The following PRKAG1 variants were observed in gnomAD, a reference collection of about 807,000 sequenced individuals.
PRKAG1 encodes protein kinase AMP-activated non-catalytic subunit gamma 1.
In PRKAG1, 27 loss-of-function variants were observed where a neutral mutation model predicts 48.2. That is an observed-to-expected ratio of 0.56 (90% CI 0.41 to 0.77). The LOEUF is 0.77. Ranked by LOEUF, PRKAG1 falls within the 30% of genes least tolerant of loss-of-function variation. PRKAG1 has a pLI of 0.00. For synonymous variants in PRKAG1, 130 were observed against 147.7 expected (o/e 0.88, Z 0.87); for missense variants, 287 against 398.3 (o/e 0.72, Z 2.38).
At chr12:49,014,420 C>T (rs1941885378) in intron 1 of PRKAG1, among the ~76,000 whole-genome samples, 1 of 152,216 alleles carries the variant, frequency 6.6e-6, no homozygotes, top group South Asian at 2.1e-4. Context: ...GGGCTAACCC[C>T]TACAAGATTC....
intron 1 of PRKAG1, 188 bp downstream of exon 1, chr12:49,018,544 G>A: frequency 6.9e-7 from 1 of 1,454,746 alleles, no homozygotes; most frequent in Non-Finnish European, 9.0e-7. Context: ...CGGGGACGCG[G>A]CCCAGTTCCA....
rs762583025 is a variant in PRKAG1, at chr12:49,003,837, C to T, written c.623G>A (p.Arg208His). 22 of 1,613,930 alleles carry T rather than the reference C, an allele frequency of 1.4e-5. No individual in the cohort carries two copies. Among genetic ancestry groups the T allele is most frequent in the East Asian group, 6.7e-5 (3 of 44,890 alleles). ...AGCCACATAGACGGGGGTGGTAGTGCGAACCATAGCAATATTGGCATAGGT... is the reference window on the plus strand; with the variant it reads ...AGCCACATAGACGGGGGTGGTAGTGTGAACCATAGCAATATTGGCATAGGT... ...IGTYANIAMV[R>H]TTTPVYVALG... is the part of the protein sequence containing the mutation. Residue 208 changes from arginine (R) to histidine (H), a missense_variant, in exon 9 of 12, where the codon CGC becomes CAC. Physicochemically the swap from Arg to His is conservative, Grantham distance 29 (BLOSUM62 0). This residue lies in a region of PRKAG1 where 224 missense variants were observed against 344.3 expected (regional missense o/e 0.65). Transcript: ENST00000548065.
intron 2 of PRKAG1, among the ~76,000 whole-genome samples, chr12:49,010,888 A>G (rs1296129180): frequency 4.0e-5 from 6 of 151,564 alleles, no homozygotes; most frequent in African/African-American, 1.5e-4. Context: ...CTGTCACCCA[A>G]GCTGGAGTGC....
intron 2 of PRKAG1, among the ~76,000 whole-genome samples, chr12:49,006,735 C>T (rs1188176084): frequency 6.6e-6 from 1 of 151,660 alleles, no homozygotes; most frequent in Non-Finnish European, 1.5e-5. Context: ...TTTGGGAGGC[C>T]AAGGTGGGAG....
At chr12:49,014,613 G>C (rs867730659) in intron 1 of PRKAG1, among the ~76,000 whole-genome samples, 2 of 152,226 alleles carry the variant, frequency 1.3e-5, no homozygotes, top group Admixed American at 6.5e-5. Flanking sequence ...CTGTCAGCCA[G>C]TCAAAACCTG....
intron 7 of PRKAG1, 151 bp downstream of exon 7, chr12:49,004,813 C>CTGTGTGTG (rs3832821): frequency 0.025 from 17,524 of 711,436 alleles, 178 homozygotes; most frequent in East Asian, 0.088. Context: ...GAGAGAGAGA[C>CTGTGTGTG]TGTGTGTGTG....
At position 49,004,747 on chromosome 12, in the gene PRKAG1, G is replaced by C. The variant is rs1008394104; in HGVS notation, c.411-114C>G. ...AACTGATGGTTAGGGAAGGGGGGCA[G>C]TGTACAGGCCAGACTTAAAGAGAAA... On this transcript the variant is annotated intron_variant, in intron 7 of 11. Coordinates refer to ENST00000548065, the MANE Select transcript of PRKAG1 (RefSeq NM_002733.5). 3 of 1,496,266 alleles carry C rather than the reference G, an allele frequency of 2.0e-6. No individual in the cohort carries two copies. The African/African-American group carries it at 4.1e-5, about 21-fold the overall frequency. 92.7% of individuals were successfully genotyped at this position (1,496,266 alleles called of 1,614,324 possible).
At chr12:49,010,743 C>T (rs1199168092) in intron 2 of PRKAG1, among the ~76,000 whole-genome samples, 3 of 151,984 alleles carry the variant, frequency 2.0e-5, no homozygotes, top group African/African-American at 7.3e-5. Flanking sequence ...TTGCTATTAT[C>T]TCCTCTCCTG....
Position 49,003,909 on chromosome 12 carries a change from G to A in PRKAG1, c.551C>T (p.Pro184Leu), listed in dbSNP as rs1475735400. Residue 184 changes from proline to leucine, a missense_variant, in exon 9 of 12, where the codon CCC becomes CTC. Pro to Leu is a moderately conservative substitution (Grantham distance 98). Coordinates refer to ENST00000548065, the MANE Select transcript of PRKAG1 (RefSeq NM_002733.5). ...AGACTTGGACATGAACTCTGGCTTG[G>A]GGAACTCAGTGATCTGAGGAAAGAA... is the stretch of plus-strand genomic sequence containing the variant. ...KFLKLFITEF[P>L]KPEFMSKSLE... is the part of the protein sequence containing the mutation. 1.2e-6 allele frequency: 2 copies of A among 1,603,004 alleles called. No homozygotes were observed. The highest frequency in any genetic ancestry group is 1.1e-5 in the South Asian group (1 of 89,446).
In PRKAG1 at chr12:49,018,725, T is replaced by A. The variant is rs199953330; in HGVS notation, c.9+7A>T. The stretch of plus-strand genomic sequence containing the variant: ...AGCGCCCCCGACCGCCCTCCTGCAC[T>A]CCTCACCGTCTCCATTGCAAGAGGC... On this transcript the variant is annotated splice_region_variant and intron_variant, in intron 1 of 11. Transcript: ENST00000548065. 2 of 1,613,270 alleles carry A rather than the reference T, an allele frequency of 1.2e-6. No homozygotes were observed. Among genetic ancestry groups the A allele is most frequent in the Non-Finnish European group, 1.7e-6 (2 of 1,180,002 alleles).
Position 49,002,488 on chromosome 12 carries a change from G to A in PRKAG1, c.*411C>T. On this transcript the variant is annotated 3_prime_UTR_variant, in exon 12 of 12. Transcript: ENST00000548065. ...GCCTCCTCCATATAGCACGGAACAG[G>A]TGAATAAAAATATCTTTATGAAGAA... is the stretch of plus-strand genomic sequence containing the variant. 2 of 334,726 alleles carry A rather than the reference G, an allele frequency of 6.0e-6. No individual in the cohort carries two copies. Among genetic ancestry groups the A allele is most frequent in the South Asian group, 2.4e-5 (1 of 41,288 alleles). 20.7% of individuals were successfully genotyped at this position (334,726 alleles called of 1,614,324 possible).
intron 1 of PRKAG1, 78 bp downstream of exon 1, chr12:49,018,654 G>A: frequency 1.9e-6 from 3 of 1,606,704 alleles, no homozygotes; most frequent in South Asian, 1.1e-5. Context: ...GCCCCTGCCC[G>A]GCCCTCCCGG....
chr12:49,004,190 G>T, intron 8 of PRKAG1: 4 of 521,892 alleles, frequency 7.7e-6, no homozygotes, highest in South Asian at 5.5e-5. Context: ...TCTTCTGGGG[G>T]TTGAGGTCGG....
chr12:49,009,909 G>A (rs955774757), intron 2 of PRKAG1, among the ~76,000 whole-genome samples: 11 of 152,254 alleles, frequency 7.2e-5, no homozygotes, highest in East Asian at 1.9e-4. Flanking sequence ...CACCGTGCCC[G>A]GCTGTTGTTT....
intron 2 of PRKAG1, among the ~76,000 whole-genome samples, chr12:49,010,593 G>A (rs1444262781): frequency 6.6e-6 from 1 of 152,156 alleles, no homozygotes; most frequent in African/African-American, 2.4e-5. Context: ...TGTACTCAAT[G>A]GGGTAGGGTG....
In PRKAG1 at chr12:49,005,932, C is replaced by A; in HGVS notation, c.59-80G>T. 1.0e-6 allele frequency: 1 copy of A among 1,002,340 alleles called. No homozygotes were observed. Among genetic ancestry groups the A allele is most frequent in the Non-Finnish European group, 1.5e-6 (1 of 669,992 alleles). The allele number at this position is 1,002,340 out of a possible 1,614,324, so 62.1% of individuals were successfully genotyped here. On this transcript the variant is annotated intron_variant, in intron 2 of 11. Coordinates refer to ENST00000548065, the MANE Select transcript of PRKAG1 (RefSeq NM_002733.5). This position sits in a 1 kb window ranked among gnomAD's most constrained non-coding sequence, Gnocchi z 4.1. ...AAGAGACAGAAAACAAAATAGTGTT[C>A]TAGTATCTCAAATATTTAGAGCATT...
rs568422494 is a variant in PRKAG1 at position 49,005,008 on chromosome 12, G to A, written c.366C>T (p.Leu122=). 1.2e-5 allele frequency: 20 copies of A among 1,614,072 alleles called. No homozygotes were observed. The highest frequency in any genetic ancestry group is 8.0e-5 in the African/African-American group (6 of 75,014). The change falls in exon 7 of 12, where the codon CTC becomes CTT. Residue 122 remains leucine (L), a synonymous_variant. Transcript: ENST00000548065. This position sits in a 1 kb window ranked among gnomAD's most constrained non-coding sequence, Gnocchi z 4.1. ...HKIETWREVY[L]QDSFKPLVCI... ...AGACAAGCGGTTTAAAGGAGTCCTG[G>A]AGATACACCTCTGAAGGGAAAAGGG...
chr12:49,005,465 C>T lies in PRKAG1; in HGVS notation c.247G>A (p.Val83Met). The change falls in exon 4 of 12, where the codon GTG (valine) becomes ATG (methionine). Residue 83 changes from valine (V) to methionine (M), a missense_variant. Physicochemically the swap from Val to Met is conservative, Grantham distance 21 (BLOSUM62 1). Transcript: ENST00000548065. This position sits in a 1 kb window ranked among gnomAD's most constrained non-coding sequence, Gnocchi z 4.1. ...PLWDSKKQSF[V>M]GMLTITDFIN... The stretch of plus-strand genomic sequence containing the variant: ...TGTTCCAGAAACTTTTGCTTACCCA[C>T]AAAACTTTGCTTCTTACTATCCCAT... The T allele has an allele frequency of 6.2e-7, 1 of 1,614,134 alleles. No homozygotes were observed. Among genetic ancestry groups the T allele is most frequent in the South Asian group, 1.1e-5 (1 of 91,084 alleles).
Position 49,005,948 on chromosome 12 carries a change from T to C in PRKAG1, c.59-96A>G. 1.1e-6 allele frequency: 1 copy of C among 890,864 alleles called. No homozygotes were observed. Among genetic ancestry groups the C allele is most frequent in the Non-Finnish European group, 1.7e-6 (1 of 578,660 alleles). 55.2% of individuals were successfully genotyped at this position (890,864 alleles called of 1,614,324 possible). ...AATAGTGTTCTAGTATCTCAAATAT[T>C]TAGAGCATTATTTTTTAATAAGACC... On this transcript the variant is annotated intron_variant, in intron 2 of 11. Coordinates refer to ENST00000548065, the MANE Select transcript of PRKAG1 (RefSeq NM_002733.5). This position sits in a 1 kb window ranked among gnomAD's most constrained non-coding sequence, Gnocchi z 4.1.
Sources: allele counts gnomAD v4.1 joint callset (sites outside exome capture counted in the v4.1 genomes callset), GRCh38; gene constraint gnomAD v4.1.1; regional missense constraint gnomAD v4.1.1; non-coding constraint Gnocchi (gnomAD v3.1); transcripts MANE v1.5; gene names NCBI Gene and HGNC (gene_info 2026-07-23, HGNC 2026-07-21).